SHROOM2: variants seen among roughly 807,000 people sequenced by gnomAD.
The protein encoded by SHROOM2 is shroom family member 2.
Under a neutral mutation model 75.9 loss-of-function variants are expected in SHROOM2, and 33 were observed. The observed-to-expected ratio is 0.43, with a 90% CI of 0.33 to 0.58. The LOEUF is 0.58. Among genes scored for constraint, SHROOM2 ranks in the 20% least tolerant of loss-of-function variants. The pLI, the probability that SHROOM2 is intolerant of heterozygous loss-of-function variation, is 0.04. For missense variants in SHROOM2, 1,434 were observed against 1,461.2 expected (o/e 0.98, Z 0.30); for synonymous variants, 655 against 663.6 (o/e 0.99, Z 0.20).
chrX:9,854,947 G>A (rs1322707634), intron 1 of SHROOM2, among the ~76,000 whole-genome samples: 1 of 110,553 alleles, frequency 9.0e-6, no homozygotes, highest in Non-Finnish European at 1.9e-5. Context: ...GTGAGTCTGC[G>A]GCAGATGTTC....
chrX:9,941,671 C>A (rs769694152), intron 8 of SHROOM2, among the ~76,000 whole-genome samples: 51 of 111,344 alleles, frequency 4.6e-4, no homozygotes, highest in Non-Finnish European at 4.7e-4. Context: ...AGAATAATGG[C>A]ACTGAAAATT....
At chrX:9,890,460 C>A (rs1432966324) in intron 2 of SHROOM2, among the ~76,000 whole-genome samples, 1 of 113,734 alleles carries the variant, frequency 8.8e-6, no homozygotes, top group African/African-American at 3.2e-5. Flanking sequence ...GAACAAAAAT[C>A]TAAAAAGAAG....
chrX:9,813,754 A>G (rs1326555128), intron 1 of SHROOM2, among the ~76,000 whole-genome samples: 1 of 111,810 alleles, frequency 8.9e-6, no homozygotes, highest in African/African-American at 3.3e-5. Context: ...TAGGCTTCCT[A>G]TCGATTTCCC....
chrX:9,885,748 A>T (rs754272229), intron 2 of SHROOM2, among the ~76,000 whole-genome samples: 4 of 110,488 alleles, frequency 3.6e-5, no homozygotes, highest in Non-Finnish European at 7.6e-5. Flanking sequence ...TGAGCCCAGG[A>T]GTGTGAGACC....
intron 1 of SHROOM2, among the ~76,000 whole-genome samples, chrX:9,857,385 A>AT (rs3047816): frequency 0.072 from 7,429 of 102,681 alleles, 712 homozygotes; most frequent in African/African-American, 0.25. Context: ...TTAATTAAGA[A>AT]TTTTTTTTTT....
At chrX:9,828,861 G>T (rs990417587) in intron 1 of SHROOM2, among the ~76,000 whole-genome samples, 2 of 112,200 alleles carry the variant, frequency 1.8e-5, no homozygotes, top group South Asian at 3.7e-4. Context: ...ACAGGCAAAT[G>T]ACACCTCAGC....
chrX:9,906,694 A>G (rs1317419621), intron 5 of SHROOM2, among the ~76,000 whole-genome samples: 1 of 112,251 alleles, frequency 8.9e-6, no homozygotes, highest in Non-Finnish European at 1.9e-5. Flanking sequence ...AGGCTGAGGC[A>G]GGAGAATCGC....
At chrX:9,936,399 A>G (rs954645132) in intron 6 of SHROOM2, among the ~76,000 whole-genome samples, 1 of 111,252 alleles carries the variant, frequency 9.0e-6, no homozygotes, top group Non-Finnish European at 1.9e-5. Flanking sequence ...GGCATGACCC[A>G]CCACATCTGG....
At chrX:9,875,698 T>C (rs760005836) in intron 2 of SHROOM2, among the ~76,000 whole-genome samples, 6 of 112,844 alleles carry the variant, frequency 5.3e-5, no homozygotes, top group Non-Finnish European at 1.1e-4. Flanking sequence ...GAGACATTTC[T>C]GAGTTTCTCA....
intron 5 of SHROOM2, among the ~76,000 whole-genome samples, chrX:9,918,187 G>A (rs1299469614): frequency 3.5e-5 from 4 of 112,847 alleles, no homozygotes; most frequent in South Asian, 3.6e-4. Flanking sequence ...TCCCGAGGTC[G>A]GGTGCTGTGC....
Position 9,948,267 on chromosome X carries a change from G to C in SHROOM2, c.*1330G>C, listed in dbSNP as rs1300939634. The C allele has an allele frequency of 8.9e-6, 1 of 112,615 alleles. No homozygotes were observed. Among genetic ancestry groups the C allele is most frequent in the East Asian group, 2.8e-4 (1 of 3,623 alleles). The allele number at this position is 112,615 out of a possible 1,213,427, so 9.3% of individuals were successfully genotyped here. The stretch of plus-strand genomic sequence containing the variant: ...AAGACGTTCAGCCGCCGATGGCTTG[G>C]TTATAATTTATAACTTACTTATTTT... On this transcript the variant is annotated 3_prime_UTR_variant, in exon 10 of 10. Transcript: ENST00000380913.
chrX:9,898,338 G>A, intron 5 of SHROOM2, 48 bp downstream of exon 5: 1 of 991,020 alleles, frequency 1.0e-6, no homozygotes. Flanking sequence ...TCTGAGGGTG[G>A]GCTTCTGTAC....
rs957539188 is a variant in SHROOM2 at position 9,933,184 on chromosome X, GT to G, written c.3587+323del. On this transcript the variant is annotated intron_variant, in intron 6 of 9. Transcript: ENST00000380913. ...ACAGGCATCTGCAGGGTAGAGGTCT[GT>G]TTTTTTTTGTCGTTGTTGTTGTTTT... 1.9e-4 allele frequency among the ~76,000 whole-genome samples: 21 copies of G among 108,694 alleles called. 1 individual carries two copies. The highest frequency in any genetic ancestry group is 4.7e-3 in the Middle Eastern group (1 of 211). 94.4% of individuals were successfully genotyped at this position (108,694 alleles called of 115,157 possible). A position where few individuals can be genotyped will look rare whatever the true frequency, so the allele number is the denominator to read the frequency against.
chrX:9,850,191 C>A (rs1475793782), intron 1 of SHROOM2, among the ~76,000 whole-genome samples: 1 of 112,068 alleles, frequency 8.9e-6, no homozygotes, highest in African/African-American at 3.2e-5. Context: ...CACCCGGGGG[C>A]GCTGCTCATT....
At chrX:9,911,093 T>C (rs1391875126) in intron 5 of SHROOM2, among the ~76,000 whole-genome samples, 1 of 111,441 alleles carries the variant, frequency 9.0e-6, no homozygotes, top group East Asian at 2.8e-4. Flanking sequence ...AATGGCACCC[T>C]CTCTTAGAGA....
rs776271196 is a variant in SHROOM2 at position 9,894,989 on chromosome X, C to T, written c.1081C>T (p.Arg361Trp). The T allele has an allele frequency of 3.8e-5, 46 of 1,208,986 alleles. No individual in the cohort carries two copies. Among genetic ancestry groups the T allele is most frequent in the South Asian group, 3.4e-4 (19 of 56,664 alleles). Residue 361 changes from arginine to tryptophan, a missense_variant, in exon 4 of 10, where the codon CGG (arginine) becomes TGG (tryptophan). By Grantham distance (101) the Arg-to-Trp change is moderately radical (BLOSUM62 -3). Transcript: ENST00000380913. Reference protein sequence around the residue: ...ALAQAQPRGDRRPELTDRPWR... With the variant: ...ALAQAQPRGDWRPELTDRPWR... ...GGCCCAGGCTCAGCCTCGTGGTGAC[C>T]GGAGACCAGAGCTCACCGATCGGCC...
At chrX:9,828,630 A>C (rs948824543) in intron 1 of SHROOM2, among the ~76,000 whole-genome samples, 1 of 109,811 alleles carries the variant, frequency 9.1e-6, no homozygotes, top group Admixed American at 9.7e-5. Context: ...ATTCCCAGTT[A>C]ATGTTATTTT....
chrX:9,944,973 C>T, intron 9 of SHROOM2, 60 bp downstream of exon 9: 1 of 1,115,059 alleles, frequency 9.0e-7, no homozygotes, highest in Middle Eastern at 2.4e-4. Context: ...GGCTGTTTTT[C>T]AAGTGTCGTG....
At chrX:9,788,881 T>C (rs1174457308) in intron 1 of SHROOM2, among the ~76,000 whole-genome samples, 1 of 110,725 alleles carries the variant, frequency 9.0e-6, no homozygotes, top group Admixed American at 9.7e-5. Flanking sequence ...GACAAAAATG[T>C]CTCCAGACAT....
Sources: gnomAD v4.1 joint callset for allele counts (sites outside exome capture counted in the v4.1 genomes callset) on GRCh38, gnomAD v4.1.1 for gene constraint, MANE v1.5 for transcripts, NCBI Gene and HGNC (gene_info 2026-07-23, HGNC 2026-07-21) for gene names.